The following TRPC4AP variants were observed in gnomAD, a reference collection of about 807,000 sequenced individuals.
TRPC4AP encodes the protein short transient receptor potential channel 4-associated protein.
TRPC4AP carries 45 observed loss-of-function variants against 99.0 expected under a neutral mutation model. That is an observed-to-expected ratio of 0.45 (90% CI 0.36 to 0.58). The LOEUF is 0.58. Ranked by LOEUF, TRPC4AP falls within the 20% of genes least tolerant of loss-of-function variation. The pLI, the probability that TRPC4AP is intolerant of heterozygous loss-of-function variation, is 0.00. For synonymous variants in TRPC4AP, 408 were observed against 385.8 expected (o/e 1.06, Z -0.67); for missense variants, 879 against 985.3 (o/e 0.89, Z 1.44).
At position 35,063,022 on chromosome 20, in the gene TRPC4AP, G is replaced by A. The variant is rs1217913849; in HGVS notation, c.415-5451C>T. ...CCTCACCCAAATCTCACCTTCAATTGTAATAATCCTCATGTGTCAAGGGTG... is the reference window on the plus strand; with the variant it reads ...CCTCACCCAAATCTCACCTTCAATTATAATAATCCTCATGTGTCAAGGGTG... On this transcript the variant is annotated intron_variant, in intron 3 of 18. Coordinates refer to ENST00000252015, the MANE Select transcript of TRPC4AP (RefSeq NM_015638.3). Among the ~76,000 whole-genome samples, 4 of 152,328 alleles carry A rather than the reference G, an allele frequency of 2.6e-5. No individual in the cohort carries two copies. The South Asian group carries it at 8.3e-4, about 32-fold the overall frequency.
chr20:35,042,188 C>G (rs1383658322), intron 7 of TRPC4AP, among the ~76,000 whole-genome samples: 1 of 152,044 alleles, frequency 6.6e-6, no homozygotes, highest in Non-Finnish European at 1.5e-5. Flanking sequence ...GTACACAGAC[C>G]AAGGAAGACC....
intron 7 of TRPC4AP, among the ~76,000 whole-genome samples, chr20:35,042,539 G>A (rs984308527): frequency 2.6e-5 from 4 of 152,140 alleles, no homozygotes; most frequent in African/African-American, 9.7e-5. Flanking sequence ...GTTTTCTACT[G>A]CTGCTTTTTA....
Position 35,068,942 on chromosome 20 carries a change from T to C in TRPC4AP, c.414+354A>G, listed in dbSNP as rs1425501624. ...AAACTAAGGTGGAGGTGGTGGGGAA[T>C]ATTTACACACACACACACACACACA... On this transcript the variant is annotated intron_variant, in intron 3 of 18. Transcript: ENST00000252015. Among the ~76,000 whole-genome samples the C allele has an allele frequency of 9.9e-5, 11 of 111,660 alleles. No homozygotes were observed. The Admixed American group carries it at 1.3e-3, about 14-fold the overall frequency. The allele number at this position is 111,660 out of a possible 152,430, so 73.3% of individuals were successfully genotyped here.
chr20:35,060,677 TTCAACATATGAAAA>T (rs1205812061), intron 3 of TRPC4AP, among the ~76,000 whole-genome samples: 1 of 150,952 alleles, frequency 6.6e-6, no homozygotes, highest in Non-Finnish European at 1.5e-5. Flanking sequence ...GTAAGGTTGG[TTCAACATATGAAAA>T]TCAATATAAT....
At chr20:35,012,946 G>C (rs2082671719) in intron 11 of TRPC4AP, 62 bp downstream of exon 11, 2 of 1,559,716 alleles carry the variant, frequency 1.3e-6, no homozygotes, top group African/African-American at 2.7e-5. Context: ...ACCAGACAAG[G>C]AGATCGAGGC....
intron 1 of TRPC4AP, among the ~76,000 whole-genome samples, chr20:35,087,302 G>C (rs2084913605): frequency 6.8e-6 from 1 of 147,150 alleles, no homozygotes; most frequent in African/African-American, 2.6e-5. Context: ...TTGCACCATT[G>C]CCCTCCAGCC....
intron 7 of TRPC4AP, among the ~76,000 whole-genome samples, chr20:35,037,346 C>CA (rs71196778): frequency 0.044 from 3,412 of 78,316 alleles, 199 homozygotes; most frequent in African/African-American, 0.15. Context: ...GACTCTGTCT[C>CA]AAAAAAAAAA....
chr20:35,028,177 T>C (rs1310638809), intron 8 of TRPC4AP, among the ~76,000 whole-genome samples: 1 of 151,800 alleles, frequency 6.6e-6, no homozygotes, highest in Non-Finnish European at 1.5e-5. Context: ...AAGTTTGATA[T>C]ATAGTATCAT....
chr20:35,066,212 TCCCACCCAGCC>T (rs1302655089), intron 3 of TRPC4AP, among the ~76,000 whole-genome samples: 1 of 151,962 alleles, frequency 6.6e-6, no homozygotes, highest in Non-Finnish European at 1.5e-5. Context: ...CAACCAATCC[TCCCACCCAGCC>T]CCCATCAAGC....
chr20:35,044,406 A>AAG, intron 7 of TRPC4AP, 99 bp downstream of exon 7: 1 of 1,273,604 alleles, frequency 7.9e-7, no homozygotes, highest in Non-Finnish European at 1.1e-6. Context: ...AAAGGAAAAA[A>AAG]AAAAAAAAAG....
At chr20:35,015,897 A>T in intron 10 of TRPC4AP, 111 bp downstream of exon 10, 1 of 1,379,506 alleles carries the variant, frequency 7.2e-7, no homozygotes, top group Non-Finnish European at 9.9e-7. Context: ...ATATGATTTT[A>T]GTTTCTGCTC....
chr20:35,075,397 G>A (rs906619216), intron 2 of TRPC4AP, among the ~76,000 whole-genome samples: 1 of 152,248 alleles, frequency 6.6e-6, no homozygotes, highest in South Asian at 2.1e-4. Context: ...AGTTGGTATC[G>A]GTTGTTCCTT....
chr20:35,006,672 CT>C, intron 14 of TRPC4AP, 97 bp from the exon 15 acceptor site: 1 of 1,485,394 alleles, frequency 6.7e-7, no homozygotes, highest in Non-Finnish European at 9.1e-7. Flanking sequence ...AGCAAGCATC[CT>C]GGGGATGGAA....
intron 3 of TRPC4AP, among the ~76,000 whole-genome samples, chr20:35,060,584 CCAAAAAAAAAAA>C (rs1361581097): frequency 4.4e-5 from 2 of 45,868 alleles, no homozygotes; most frequent in Non-Finnish European, 4.3e-5. Flanking sequence ...GACCTTGTCT[CCAAAAAAAAAAA>C]AAAAAAAAAA....
chr20:35,058,143 TA>T (rs1348075105), intron 3 of TRPC4AP, among the ~76,000 whole-genome samples: 1 of 152,148 alleles, frequency 6.6e-6, no homozygotes, highest in Non-Finnish European at 1.5e-5. Flanking sequence ...TGTATGTACC[TA>T]ACAATAGAGC....
At chr20:35,089,482 T>C (rs1035823544) in intron 1 of TRPC4AP, among the ~76,000 whole-genome samples, 3 of 151,740 alleles carry the variant, frequency 2.0e-5, no homozygotes, top group Non-Finnish European at 4.4e-5. Context: ...TCATCCCATC[T>C]TGGTCTCCCA....
intron 1 of TRPC4AP, among the ~76,000 whole-genome samples, chr20:35,087,550 T>C (rs1021859814): frequency 7.2e-5 from 11 of 152,132 alleles, no homozygotes; most frequent in African/African-American, 2.2e-4. Context: ...TGCACTATCC[T>C]AGAGCCCAGC....
rs538624237 is a variant in TRPC4AP, at chr20:35,006,486, G to A, written c.1776C>T (p.Phe592=). ...YFDLLGELMK[F]NVDAFKRFNK... ...TGAATCTCTTGAATGCATCAACGTT[G>A]AACTTCATCAGCTCCCCCAGGAGGT... Residue 592 remains phenylalanine (F), a synonymous_variant, in exon 15 of 19, where the codon TTC becomes TTT. Coordinates refer to ENST00000252015, the MANE Select transcript of TRPC4AP (RefSeq NM_015638.3). 7 of 1,614,174 alleles carry A rather than the reference G, an allele frequency of 4.3e-6. No homozygotes were observed. The African/African-American group carries it at 8.0e-5, about 18-fold the overall frequency.
At chr20:35,005,626 G>T in intron 16 of TRPC4AP, 69 bp downstream of exon 16, 1 of 1,434,288 alleles carries the variant, frequency 7.0e-7, no homozygotes, top group Non-Finnish European at 9.8e-7. Flanking sequence ...CTCCCTGCTG[G>T]AGACAGGGTG....
Sources: gnomAD v4.1 joint callset for allele counts (sites outside exome capture counted in the v4.1 genomes callset) on GRCh38, gnomAD v4.1.1 for gene constraint, MANE v1.5 for transcripts, NCBI Gene and HGNC (gene_info 2026-07-23, HGNC 2026-07-21) for gene names.